Variants in NTNG1 observed in about 807,000 individuals in gnomAD.
NTNG1 encodes the protein netrin G1, also known as netrin-G1.
Under a neutral mutation model 54.0 loss-of-function variants are expected in NTNG1, and 16 were observed. That is an observed-to-expected ratio of 0.30 (90% CI 0.20 to 0.45). NTNG1 has a LOEUF of 0.45. Ranked by LOEUF, NTNG1 falls within the 20% of genes least tolerant of loss-of-function variation. The pLI is 1.00. For synonymous variants in NTNG1, 255 were observed against 263.1 expected, an observed-to-expected ratio of 0.97 and a Z score of 0.30; for missense variants, 530 against 678.7, an observed-to-expected ratio of 0.78 and a Z score of 2.43.
At chr1:107,260,688 C>G (rs1663256181) in intron 2 of NTNG1, 1 of 152,190 alleles carries the variant, frequency 6.6e-6, no homozygotes, top group Admixed American at 6.5e-5. Flanking sequence ...CATCTAGCTT[C>G]TCTAGGCTCC....
chr1:107,322,619 A>C (rs1667719924), intron 2 of NTNG1, among the ~76,000 whole-genome samples: 1 of 152,008 alleles, frequency 6.6e-6, no homozygotes, highest in Non-Finnish European at 1.5e-5. Context: ...AATAATAATA[A>C]ATTTGGTGAT....
rs1678894847 is a variant in NTNG1 at position 107,484,133 on chromosome 1, C to T, written c.*3293C>T. Among the ~76,000 whole-genome samples, 1 of 152,184 alleles carries T rather than the reference C, an allele frequency of 6.6e-6. No individual in the cohort carries two copies. Among genetic ancestry groups the T allele is most frequent in the East Asian group, 1.9e-4 (1 of 5,174 alleles). On this transcript the variant is annotated 3_prime_UTR_variant, in exon 8 of 8. Coordinates refer to ENST00000370068, the MANE Select transcript of NTNG1 (RefSeq NM_001113226.3). ...CATCCTGAGTGCATATACCTGGGCA[C>T]AGGGAGTGGCAAAGGGTGCATCTGT...
intron 2 of NTNG1, among the ~76,000 whole-genome samples, chr1:107,223,441 A>G (rs981882847): frequency 1.3e-5 from 2 of 152,188 alleles, no homozygotes; most frequent in Admixed American, 1.3e-4. Flanking sequence ...GTTCTTGGAC[A>G]GAATACTAGG....
At chr1:107,263,240 G>A (rs545685212) in intron 2 of NTNG1, among the ~76,000 whole-genome samples, 1 of 152,186 alleles carries the variant, frequency 6.6e-6, no homozygotes, top group Admixed American at 6.5e-5. Context: ...GTGGGTGTGT[G>A]GGAAAAGCTA....
intron 5 of NTNG1, among the ~76,000 whole-genome samples, chr1:107,415,367 C>T (rs1674126778): frequency 6.6e-6 from 1 of 152,072 alleles, no homozygotes; most frequent in Non-Finnish European, 1.5e-5. Flanking sequence ...TGGCATATGC[C>T]TCATACATAC....
At chr1:107,476,656 C>T (rs1678353150) in intron 7 of NTNG1, among the ~76,000 whole-genome samples, 1 of 152,194 alleles carries the variant, frequency 6.6e-6, no homozygotes, top group Admixed American at 6.5e-5. Context: ...CACCATTGTT[C>T]TAACCTCGTC....
At chr1:107,442,509 T>C (rs908610785) in intron 7 of NTNG1, among the ~76,000 whole-genome samples, 1 of 152,160 alleles carries the variant, frequency 6.6e-6, no homozygotes, top group African/African-American at 2.4e-5. Flanking sequence ...TACACTGTGT[T>C]GCAAATTTAG....
intron 3 of NTNG1, among the ~76,000 whole-genome samples, chr1:107,386,087 A>ATATG (rs1211083569): frequency 2.0e-5 from 3 of 146,778 alleles, no homozygotes; most frequent in Non-Finnish European, 3.0e-5. Flanking sequence ...ATATATACTT[A>ATATG]TATGTATGTA....
chr1:107,249,267 C>G (rs1230368003), intron 2 of NTNG1, among the ~76,000 whole-genome samples: 1 of 151,702 alleles, frequency 6.6e-6, no homozygotes. Flanking sequence ...GGGCGGATCA[C>G]CTGAGGTCAT....
chr1:107,370,467 A>G (rs1670853110), intron 3 of NTNG1, among the ~76,000 whole-genome samples: 1 of 147,322 alleles, frequency 6.8e-6, no homozygotes, highest in African/African-American at 2.7e-5. Context: ...CAAGCAGTAT[A>G]TATACACTGA....
chr1:107,252,491 G>A (rs1337247141), intron 2 of NTNG1, among the ~76,000 whole-genome samples: 1 of 152,200 alleles, frequency 6.6e-6, no homozygotes, highest in Non-Finnish European at 1.5e-5. Flanking sequence ...GGATTAGGCT[G>A]AAACTTCTGT....
rs372378873 is a variant in NTNG1, at chr1:107,203,507, G to T, written c.246+54668G>T. Among the ~76,000 whole-genome samples the T allele has an allele frequency of 3.5e-3, 530 of 151,180 alleles. 7 individuals carry two copies. Among genetic ancestry groups the T allele is most frequent in the South Asian group, 0.021 (98 of 4,774 alleles). On this transcript the variant is annotated intron_variant, in intron 2 of 7. Transcript: ENST00000370068. The stretch of plus-strand genomic sequence containing the variant: ...GATAAGCAGTTATTCTTTCTGGGAA[G>T]TTTATATATATGAATATATAGTTAT...
chr1:107,342,487 T>C (rs961781006), intron 3 of NTNG1, among the ~76,000 whole-genome samples: 2 of 152,154 alleles, frequency 1.3e-5, no homozygotes, highest in Non-Finnish European at 2.9e-5. Flanking sequence ...ATGTTTTTGC[T>C]TTGCTCAGTG....
chr1:107,250,593 GAA>G (rs1662530057), intron 2 of NTNG1, among the ~76,000 whole-genome samples: 1 of 142,116 alleles, frequency 7.0e-6, no homozygotes, highest in South Asian at 2.2e-4. Flanking sequence ...AAAAATAAAA[GAA>G]AGACAACTGT....
At chr1:107,333,628 GA>G (rs1668406060) in intron 3 of NTNG1, among the ~76,000 whole-genome samples, 1 of 35,268 alleles carries the variant, frequency 2.8e-5, no homozygotes, top group Admixed American at 4.1e-4. Context: ...GGAAATACAT[GA>G]AAACATCGTG....
At chr1:107,170,551 G>A (rs1185117729) in intron 2 of NTNG1, among the ~76,000 whole-genome samples, 4 of 151,962 alleles carry the variant, frequency 2.6e-5, no homozygotes, top group African/African-American at 9.7e-5. Context: ...TATTTAAATG[G>A]CAGATTTAGC....
chr1:107,338,871 T>TA lies in NTNG1; in HGVS notation c.887+13949_887+13950insA, dbSNP rs1668744650. 9.8e-5 allele frequency among the ~76,000 whole-genome samples: 11 copies of TA among 112,410 alleles called. No individual in the cohort carries two copies. In the Admixed American group the frequency reaches 1.1e-3, roughly 12 times the overall value. 73.7% of individuals were successfully genotyped at this position (112,410 alleles called of 152,430 possible). On this transcript the variant is annotated intron_variant, in intron 3 of 7. Transcript: ENST00000370068. ...CAAAGATAAAACAAAGTAAGAAGCT[T>TA]TAAAAAAAAAAAGGAAATAGGATTT...
chr1:107,444,082 G>A (rs1676153450), intron 7 of NTNG1, among the ~76,000 whole-genome samples: 2 of 151,792 alleles, frequency 1.3e-5, no homozygotes, highest in African/African-American at 4.8e-5. Context: ...GGGCAAAAAG[G>A]ATCGTTTTGT....
At chr1:107,413,253 C>T (rs1467990337) in intron 5 of NTNG1, among the ~76,000 whole-genome samples, 1 of 151,768 alleles carries the variant, frequency 6.6e-6, no homozygotes, top group East Asian at 1.9e-4. Context: ...AGCTCCACCT[C>T]CTGGGTTCAC....
Sources: gnomAD v4.1 joint callset for allele counts (sites outside exome capture counted in the v4.1 genomes callset) on GRCh38, gnomAD v4.1.1 for gene constraint, MANE v1.5 for transcripts, NCBI Gene and HGNC (gene_info 2026-07-23, HGNC 2026-07-21) for gene names.